DYRK3: variants seen among roughly 807,000 people sequenced by gnomAD.
The protein encoded by DYRK3 is dual specificity tyrosine phosphorylation regulated kinase 3, also known as dual specificity tyrosine-phosphorylation-regulated kinase 3.
Under a neutral mutation model 40.8 loss-of-function variants are expected in DYRK3, and 30 were observed. The ratio of observed to expected loss-of-function variants is 0.74; its 90% CI spans 0.55 to 1.00. DYRK3 has a LOEUF of 1.00. Ranked by LOEUF, DYRK3 falls within the 50% of genes least tolerant of loss-of-function variation. The pLI, the probability that DYRK3 is intolerant of heterozygous loss-of-function variation, is 0.00. For synonymous variants in DYRK3, 272 were observed against 260.7 expected (o/e 1.04, Z -0.42); for missense variants, 699 against 731.5 (o/e 0.96, Z 0.51).
In DYRK3 at chr1:206,652,413, T is replaced by C. The variant is rs927870636; in HGVS notation, c.*3448T>C. 1.3e-5 allele frequency among the ~76,000 whole-genome samples: 2 copies of C among 152,192 alleles called. No individual in the cohort carries two copies. Among genetic ancestry groups the C allele is most frequent in the Non-Finnish European group, 2.9e-5 (2 of 68,028 alleles). On this transcript the variant is annotated 3_prime_UTR_variant, in exon 3 of 3. Coordinates refer to ENST00000367109, the MANE Select transcript of DYRK3 (RefSeq NM_003582.4). ...GAAAGGGGCCTGTGGCTGAGGTTGG[T>C]GCGTGCTCTATTTCTGTGTATCGAA...
At position 206,654,783 on chromosome 1, in the gene DYRK3, CTT is replaced by C. The variant is rs1331468337; in HGVS notation, c.*5820_*5821del. On this transcript the variant is annotated 3_prime_UTR_variant, in exon 3 of 3. Transcript: ENST00000367109. Reference sequence around the variant, plus strand: ...CAGAACTACAAATGCATCGTCTAGACTTTGAAGAAGCAGGGTATGATTCTTAA... The same window carrying C: ...CAGAACTACAAATGCATCGTCTAGACTGAAGAAGCAGGGTATGATTCTTAA... Among the ~76,000 whole-genome samples the C allele has an allele frequency of 3.9e-5, 6 of 152,354 alleles. No homozygotes were observed. The highest frequency in any genetic ancestry group is 3.3e-4 in the Admixed American group (5 of 15,300).
chr1:206,643,759 G>A (rs1671353313), intron 2 of DYRK3, among the ~76,000 whole-genome samples: 1 of 152,100 alleles, frequency 6.6e-6, no homozygotes, highest in South Asian at 2.1e-4. Flanking sequence ...AGTGCTAGAC[G>A]CATGATGGAG....
Position 206,649,203 on chromosome 1 carries a change from G to C in DYRK3, c.*238G>C, listed in dbSNP as rs1339792334. ...ACTTTTTATAGGTCAATGCATCTTT[G>C]TTATTATCGTCAGATGTATTTCAAC... On this transcript the variant is annotated 3_prime_UTR_variant, in exon 3 of 3. Transcript: ENST00000367109. 6 of 466,540 alleles carry C rather than the reference G, an allele frequency of 1.3e-5. No homozygotes were observed. Among genetic ancestry groups the C allele is most frequent in the African/African-American group, 1.2e-4 (6 of 50,528 alleles). The allele number at this position is 466,540 out of a possible 1,614,324, so 28.9% of individuals were successfully genotyped here.
In DYRK3 at chr1:206,635,759, G is replaced by C; in HGVS notation, c.56G>C (p.Gly19Ala). 1 of 1,244,818 alleles carries C rather than the reference G, an allele frequency of 8.0e-7. No homozygotes were observed. Among genetic ancestry groups the C allele is most frequent in the Non-Finnish European group, 1.0e-6 (1 of 989,074 alleles). The allele number at this position is 1,244,818 out of a possible 1,614,324, so 77.1% of individuals were successfully genotyped here. A position where few individuals can be genotyped will look rare whatever the true frequency, so the allele number is the denominator to read the frequency against. Residue 19 changes from glycine (G) to alanine (A), a missense_variant, in exon 1 of 3, where the codon GGG becomes GCG. By Grantham distance (60) the Gly-to-Ala change is moderately conservative. Transcript: ENST00000367109. ...GRKDAGPPGA[G>A]LPPQQRRLGD... ...AAGGATGCGGGGCCGCCTGGGGCCG[G>C]GCTCCCGCCCCAGCAGCGGAGGTAA...
chr1:206,641,025 C>T (rs1553419272), intron 2 of DYRK3, among the ~76,000 whole-genome samples: 1 of 151,868 alleles, frequency 6.6e-6, no homozygotes, highest in South Asian at 2.1e-4. Flanking sequence ...TTGGTAGAGT[C>T]AGTCATATAC....
In DYRK3 at chr1:206,635,599, C is replaced by A; in HGVS notation, c.-105C>A. The A allele has an allele frequency of 8.2e-7, 1 of 1,215,550 alleles. No homozygotes were observed. The highest frequency in any genetic ancestry group is 4.1e-5 in the South Asian group (1 of 24,232). The allele number at this position is 1,215,550 out of a possible 1,614,324, so 75.3% of individuals were successfully genotyped here. On this transcript the variant is annotated 5_prime_UTR_variant, in exon 1 of 3. Coordinates refer to ENST00000367109, the MANE Select transcript of DYRK3 (RefSeq NM_003582.4). ...GAGCTGCAGTGTCTGGTCGAGAGTACCCGTGGGAGCGTCGCGCCGCGGAGG... is the reference window on the plus strand; with the variant it reads ...GAGCTGCAGTGTCTGGTCGAGAGTAACCGTGGGAGCGTCGCGCCGCGGAGG...
intron 2 of DYRK3, among the ~76,000 whole-genome samples, chr1:206,638,914 C>CT (rs1553418831): frequency 7.4e-6 from 1 of 134,680 alleles, no homozygotes; most frequent in Non-Finnish European, 1.5e-5. Flanking sequence ...CAGTCTTACT[C>CT]TGTCTTCCAG....
At chr1:206,638,270 C>CTTTTTTTT (rs55807350) in intron 2 of DYRK3, among the ~76,000 whole-genome samples, 17 of 73,490 alleles carry the variant, frequency 2.3e-4, no homozygotes, top group African/African-American at 6.0e-4. Flanking sequence ...AGACACTTAG[C>CTTTTTTTT]TTTTTTTTTT....
Position 206,647,406 on chromosome 1 carries a change from A to G in DYRK3, c.208A>G (p.Thr70Ala). 1 of 1,611,952 alleles carries G rather than the reference A, an allele frequency of 6.2e-7. No homozygotes were observed. The highest frequency in any genetic ancestry group is 8.5e-7 in the Non-Finnish European group (1 of 1,178,840). ...TTCATAGATGACCACTGAGCAGTTTACAGGAGATCATACTCAGCACTTTTT... is the reference window on the plus strand; with the variant it reads ...TTCATAGATGACCACTGAGCAGTTTGCAGGAGATCATACTCAGCACTTTTT... Reference protein sequence around the residue: ...RRLNMTTEQFTGDHTQHFLDG... With the variant: ...RRLNMTTEQFAGDHTQHFLDG... Residue 70 changes from threonine to alanine, a missense_variant, in exon 3 of 3, where the codon ACA becomes GCA. Thr to Ala is a moderately conservative substitution (Grantham distance 58, BLOSUM62 0). Coordinates refer to ENST00000367109, the MANE Select transcript of DYRK3 (RefSeq NM_003582.4).
rs1466996210 is a variant in DYRK3 at position 206,647,429 on chromosome 1, T to G, written c.231T>G (p.Phe77Leu). The G allele has an allele frequency of 6.2e-7, 1 of 1,613,824 alleles. No homozygotes were observed. The highest frequency in any genetic ancestry group is 2.2e-5 in the East Asian group (1 of 44,898). ...TTACAGGAGATCATACTCAGCACTT[T>G]TTGGATGGAGGTGAGATGAAGGTAG... ...EQFTGDHTQH[F>L]LDGGEMKVEQ... The change falls in exon 3 of 3, where the codon TTT becomes TTG. Residue 77 changes from phenylalanine (F) to leucine (L), a missense_variant. Transcript: ENST00000367109.
chr1:206,636,889 T>C lies in DYRK3; in HGVS notation c.78-761T>C, dbSNP rs868955366. 16 of 1,610,636 alleles carry C rather than the reference T, an allele frequency of 9.9e-6. No homozygotes were observed. The Middle Eastern group carries it at 1.3e-3, about 133-fold the overall frequency. ...TTCCCTTACAGTGGTGGAGCCACAG[T>C]GTTAAAGAACAGAGAAGTGATCCTT... On this transcript the variant is annotated intron_variant, in intron 1 of 2. Coordinates refer to ENST00000367109, the MANE Select transcript of DYRK3 (RefSeq NM_003582.4).
Position 206,653,119 on chromosome 1 carries a change from G to A in DYRK3, c.*4154G>A, listed in dbSNP as rs1399829305. On this transcript the variant is annotated 3_prime_UTR_variant, in exon 3 of 3. Transcript: ENST00000367109. ...TGCAGCCTCAACCTCCCAGGCTCAG[G>A]TGATTCTCCCATCTCAACCTCCAGA... 6.6e-6 allele frequency among the ~76,000 whole-genome samples: 1 copy of A among 152,102 alleles called. No homozygotes were observed. The highest frequency in any genetic ancestry group is 2.4e-5 in the African/African-American group (1 of 41,422).
At position 206,647,679 on chromosome 1, in the gene DYRK3, GAAAT is replaced by G. The variant is rs782596784; in HGVS notation, c.484_487del (p.Ile162LeufsTer9). 1 of 1,613,988 alleles carries G rather than the reference GAAAT, an allele frequency of 6.2e-7. No individual in the cohort carries two copies. The highest frequency in any genetic ancestry group is 2.2e-5 in the East Asian group (1 of 44,898). ...CCACCTCACTGCCTATGAGAAACTG[GAAAT>G]AATTAATTATCCAGAAATTTACTTT... On this transcript the variant is annotated frameshift_variant, in exon 3 of 3. Coordinates refer to ENST00000367109, the MANE Select transcript of DYRK3 (RefSeq NM_003582.4). LOFTEE classifies it high-confidence loss of function.
Position 206,649,011 on chromosome 1 carries a change from T to C in DYRK3, c.*46T>C, listed in dbSNP as rs2102346081. 1 of 1,513,936 alleles carries C rather than the reference T, an allele frequency of 6.6e-7. No individual in the cohort carries two copies. Among genetic ancestry groups the C allele is most frequent in the Non-Finnish European group, 8.8e-7 (1 of 1,131,410 alleles). The allele number at this position is 1,513,936 out of a possible 1,614,324, so 93.8% of individuals were successfully genotyped here. A position where few individuals can be genotyped will look rare whatever the true frequency, so the allele number is the denominator to read the frequency against. The stretch of plus-strand genomic sequence containing the variant: ...GATGCATATGTGTATATTTTTATGA[T>C]CTTACAAACCTGCAAATGGAAAAAA... On this transcript the variant is annotated 3_prime_UTR_variant, in exon 3 of 3. Transcript: ENST00000367109.
chr1:206,638,854 G>A (rs1553418812), intron 2 of DYRK3, among the ~76,000 whole-genome samples: 1 of 145,528 alleles, frequency 6.9e-6, no homozygotes, highest in Non-Finnish European at 1.5e-5. Context: ...ATCAGTTTTT[G>A]CTTAAAATCA....
At chr1:206,645,762 A>G (rs781978936) in intron 2 of DYRK3, among the ~76,000 whole-genome samples, 3 of 151,906 alleles carry the variant, frequency 2.0e-5, no homozygotes, top group Admixed American at 6.6e-5. Context: ...TCTGGCCTCA[A>G]GTGATCTGCC....
rs1553420771 is a variant in DYRK3, at chr1:206,648,568, A to C, written c.1370A>C (p.Gln457Pro). The C allele has an allele frequency of 3.1e-6, 5 of 1,614,010 alleles. No individual in the cohort carries two copies. The highest frequency in any genetic ancestry group is 4.2e-6 in the Non-Finnish European group (5 of 1,180,018). Residue 457 changes from glutamine (Q) to proline (P), a missense_variant, in exon 3 of 3, where the codon CAG (glutamine) becomes CCG (proline). By Grantham distance (76) the Gln-to-Pro change is moderately conservative. Transcript: ENST00000367109. ...GIPRYCSVTT[Q>P]ADGRVVLVGG... ...CCCCGCTACTGCTCTGTGACTACCC[A>C]GGCAGATGGGAGGGTTGTGCTTGTG...
rs2102345449 is a variant in DYRK3 at position 206,648,742 on chromosome 1, A to C, written c.1544A>C (p.Gln515Pro). The C allele has an allele frequency of 6.2e-7, 1 of 1,614,036 alleles. No homozygotes were observed. Among genetic ancestry groups the C allele is most frequent in the South Asian group, 1.1e-5 (1 of 91,084 alleles). ...CCCTCTGCCCGCTTGACCCCAGCTC[A>C]AGCATTAAGACACCCTTGGATTAGC... ...WDPSARLTPA[Q>P]ALRHPWISKS... is the part of the protein sequence containing the mutation. Residue 515 changes from glutamine (Q) to proline (P), a missense_variant, in exon 3 of 3, where the codon CAA becomes CCA. Gln to Pro is a moderately conservative substitution (Grantham distance 76, BLOSUM62 -1). Coordinates refer to ENST00000367109, the MANE Select transcript of DYRK3 (RefSeq NM_003582.4).
In DYRK3 at chr1:206,647,505, G is replaced by T. The variant is rs1671489196; in HGVS notation, c.307G>T (p.Asp103Tyr). 5.0e-6 allele frequency: 8 copies of T among 1,614,062 alleles called. No homozygotes were observed. Among genetic ancestry groups the T allele is most frequent in the Non-Finnish European group, 6.8e-6 (8 of 1,180,048 alleles). ...CAGAAAATCCAATACTATTCAGTCAGATGGCATCAGTGACTCTGAAAAATG... is the reference window on the plus strand; with the variant it reads ...CAGAAAATCCAATACTATTCAGTCATATGGCATCAGTGACTCTGAAAAATG... ...GNRKSNTIQS[D>Y]GISDSEKCSP... The change falls in exon 3 of 3, where the codon GAT (aspartate) becomes TAT (tyrosine). Residue 103 changes from aspartate to tyrosine, a missense_variant. Asp to Tyr is a radical substitution (Grantham distance 160). Transcript: ENST00000367109.
Sources: gnomAD v4.1 joint callset for allele counts (sites outside exome capture counted in the v4.1 genomes callset) on GRCh38, gnomAD v4.1.1 for gene constraint, MANE v1.5 for transcripts, NCBI Gene and HGNC (gene_info 2026-07-23, HGNC 2026-07-21) for gene names.